NKAIN2: variants seen among roughly 807,000 people sequenced by gnomAD.
NKAIN2 encodes sodium/potassium transporting ATPase interacting 2, also known as sodium/potassium-transporting ATPase subunit beta-1-interacting protein 2.
In NKAIN2, 14 loss-of-function variants were observed where a neutral mutation model predicts 32.6. The observed-to-expected ratio is 0.43, with a 90% CI of 0.28 to 0.67. The LOEUF is 0.67. Among genes scored for constraint, NKAIN2 ranks in the 30% least tolerant of loss-of-function variants. The pLI, the probability that NKAIN2 is intolerant of heterozygous loss-of-function variation, is 0.17. For synonymous variants in NKAIN2, 80 were observed against 87.2 expected, an observed-to-expected ratio of 0.92 and a Z score of 0.46; for missense variants, 198 against 258.3, an observed-to-expected ratio of 0.77 and a Z score of 1.60.
At chr6:124,817,533 A>G (rs992775208) in intron 5 of NKAIN2, among the ~76,000 whole-genome samples, 26 of 152,090 alleles carry the variant, frequency 1.7e-4, no homozygotes, top group African/African-American at 6.3e-4. Context: ...ATCCCAAAAG[A>G]GCAAGATAAA....
intron 1 of NKAIN2, among the ~76,000 whole-genome samples, chr6:123,981,820 G>A (rs1778911718): frequency 6.6e-6 from 1 of 152,072 alleles, no homozygotes; most frequent in South Asian, 2.1e-4. Context: ...TGAGGGAGGG[G>A]GATGGAGAGG....
intron 3 of NKAIN2, among the ~76,000 whole-genome samples, chr6:124,428,128 G>T (rs1480121465): frequency 6.6e-6 from 1 of 151,986 alleles, no homozygotes; most frequent in Non-Finnish European, 1.5e-5. Context: ...GATCCAGCAG[G>T]TTTTCAATTG....
At chr6:124,036,292 T>G (rs1484166134) in intron 1 of NKAIN2, among the ~76,000 whole-genome samples, 1 of 152,154 alleles carries the variant, frequency 6.6e-6, no homozygotes, top group Non-Finnish European at 1.5e-5. Context: ...GTTATGTATT[T>G]TGGTTTGAAA....
intron 4 of NKAIN2, among the ~76,000 whole-genome samples, chr6:124,708,734 T>A (rs1775252367): frequency 6.6e-6 from 1 of 152,106 alleles, no homozygotes; most frequent in Non-Finnish European, 1.5e-5. Flanking sequence ...TAAGAAGAGT[T>A]TGGGCTGAGA....
intron 4 of NKAIN2, among the ~76,000 whole-genome samples, chr6:124,748,356 G>A (rs1777539555): frequency 6.6e-6 from 1 of 151,968 alleles, no homozygotes; most frequent in Admixed American, 6.6e-5. Context: ...AATAAGTGAA[G>A]CACAAAAGAG....
chr6:124,083,634 A>G (rs1784069917), intron 1 of NKAIN2, among the ~76,000 whole-genome samples: 1 of 152,014 alleles, frequency 6.6e-6, no homozygotes, highest in Non-Finnish European at 1.5e-5. Context: ...ATGTTTTCAA[A>G]GTCTTTGACT....
At chr6:124,055,260 A>G (rs934424560) in intron 1 of NKAIN2, among the ~76,000 whole-genome samples, 6 of 152,232 alleles carry the variant, frequency 3.9e-5, no homozygotes, top group African/African-American at 1.4e-4. Flanking sequence ...TACAAAAGGC[A>G]GCATAAAACG....
intron 1 of NKAIN2, among the ~76,000 whole-genome samples, chr6:124,015,829 C>A (rs75875669): frequency 6.6e-6 from 1 of 152,258 alleles, no homozygotes; most frequent in Non-Finnish European, 1.5e-5. Flanking sequence ...TCCAGGTAAA[C>A]TTAATTATCG....
chr6:124,571,281 G>A (rs1168880918), intron 3 of NKAIN2, among the ~76,000 whole-genome samples: 6 of 152,140 alleles, frequency 3.9e-5, no homozygotes, highest in African/African-American at 1.4e-4. Flanking sequence ...TTAAGACTTT[G>A]GGGGACTGTT....
At chr6:123,904,848 G>A (rs893106507) in intron 1 of NKAIN2, among the ~76,000 whole-genome samples, 5 of 152,194 alleles carry the variant, frequency 3.3e-5, no homozygotes, top group South Asian at 4.1e-4. Context: ...AGGACAGAAC[G>A]AGTTGGTGTG....
intron 5 of NKAIN2, among the ~76,000 whole-genome samples, chr6:124,793,383 C>T (rs1032852022): frequency 6.6e-5 from 10 of 152,074 alleles, no homozygotes; most frequent in Non-Finnish European, 1.3e-4. Flanking sequence ...AAAATATATA[C>T]GGATTTTAAA....
In NKAIN2 at chr6:124,331,345, C is replaced by CAAAAAAAAAAAAAAAAAAA. The variant is rs1162529828; in HGVS notation, c.193-23906_193-23888dup. Among the ~76,000 whole-genome samples, 16 of 20,812 alleles carry CAAAAAAAAAAAAAAAAAAA rather than the reference C, an allele frequency of 7.7e-4. 1 individual carries two copies. The highest frequency in any genetic ancestry group is 3.6e-3 in the East Asian group (2 of 560). The allele number at this position is 20,812 out of a possible 152,430, so 13.7% of individuals were successfully genotyped here. A position where few individuals can be genotyped will look rare whatever the true frequency, so the allele number is the denominator to read the frequency against. On this transcript the variant is annotated intron_variant, in intron 2 of 6. Coordinates refer to ENST00000368417, the MANE Select transcript of NKAIN2 (RefSeq NM_001040214.3). ...TGAAACCCTGTCTCTACTAAATATA[C>CAAAAAAAAAAAAAAAAAAA]AAAAAAAAAAAAAAAAAAAAAAAAA...
At chr6:124,774,894 G>A (rs1583839779) in intron 4 of NKAIN2, among the ~76,000 whole-genome samples, 2 of 145,870 alleles carry the variant, frequency 1.4e-5, no homozygotes, top group African/African-American at 2.5e-5. Context: ...TCAACATCTT[G>A]TATCTTTGAC....
chr6:124,187,706 A>C (rs1789814698), intron 1 of NKAIN2, among the ~76,000 whole-genome samples: 1 of 152,148 alleles, frequency 6.6e-6, no homozygotes, highest in South Asian at 2.1e-4. Context: ...TTTTAACAAC[A>C]TAGTACATGC....
chr6:124,181,205 A>G (rs1789430408), intron 1 of NKAIN2, among the ~76,000 whole-genome samples: 4 of 152,110 alleles, frequency 2.6e-5, no homozygotes, highest in African/African-American at 7.2e-5. Flanking sequence ...GGGCCTTTTT[A>G]GCAATGGCTG....
rs73563747 is a variant in NKAIN2 at position 124,253,607 on chromosome 6, C to T, written c.55-29398C>T. ...ATATGTGTGTGTAAGTGTTCAATTA[C>T]TACTATTATTTACCTTGAAAATCAA... is the stretch of plus-strand genomic sequence containing the variant. On this transcript the variant is annotated intron_variant, in intron 1 of 6. Transcript: ENST00000368417. 4.2e-3 allele frequency among the ~76,000 whole-genome samples: 633 copies of T among 152,232 alleles called. 6 individuals carry two copies. The highest frequency in any genetic ancestry group is 0.014 in the African/African-American group (588 of 41,540).
At chr6:123,978,245 C>T (rs576262303) in intron 1 of NKAIN2, among the ~76,000 whole-genome samples, 5 of 152,206 alleles carry the variant, frequency 3.3e-5, no homozygotes, top group South Asian at 4.2e-4. Context: ...AAAAGTGAGA[C>T]GTCTCAGAGG....
At chr6:124,481,186 T>C (rs200662838) in intron 3 of NKAIN2, among the ~76,000 whole-genome samples, 1 of 143,312 alleles carries the variant, frequency 7.0e-6, no homozygotes, top group African/African-American at 2.5e-5. Flanking sequence ...TTTTTTTTTT[T>C]TTCACAGTGG....
At chr6:124,249,467 T>A (rs1183014197) in intron 1 of NKAIN2, among the ~76,000 whole-genome samples, 1 of 152,108 alleles carries the variant, frequency 6.6e-6, no homozygotes, top group Non-Finnish European at 1.5e-5. Context: ...ACATGTCAAT[T>A]TATGGTCCAG....
Sources: gnomAD v4.1 joint callset for allele counts (sites outside exome capture counted in the v4.1 genomes callset) on GRCh38, gnomAD v4.1.1 for gene constraint, MANE v1.5 for transcripts, NCBI Gene and HGNC (gene_info 2026-07-23, HGNC 2026-07-21) for gene names.